The following PLGRKT variants were observed in gnomAD, a reference collection of about 807,000 sequenced individuals.
PLGRKT encodes the protein plasminogen receptor (KT).
A neutral mutation model predicts 18.5 loss-of-function variants in PLGRKT; 22 were observed. The ratio of observed to expected loss-of-function variants is 1.19; its 90% CI spans 0.85 to 1.70. PLGRKT has a LOEUF of 1.70. PLGRKT is among the 40% of genes most tolerant of loss of function. The pLI is 0.00. For synonymous variants in PLGRKT, 72 were observed against 52.8 expected (o/e 1.36, Z -1.58); for missense variants, 235 against 174.4 (o/e 1.35, Z -1.96).
At chr9:5,404,501 G>T (rs909829981) in intron 3 of PLGRKT, among the ~76,000 whole-genome samples, 2 of 152,030 alleles carry the variant, frequency 1.3e-5, no homozygotes, top group Non-Finnish European at 2.9e-5. Context: ...GTGATTCATC[G>T]CATAAACAGA....
chr9:5,370,307 T>C (rs1817489186), intron 3 of PLGRKT, among the ~76,000 whole-genome samples: 1 of 152,184 alleles, frequency 6.6e-6, no homozygotes, highest in Non-Finnish European at 1.5e-5. Flanking sequence ...GGCAATTATG[T>C]AAAGGTCCAC....
At chr9:5,397,188 C>A (rs1454604850) in intron 3 of PLGRKT, among the ~76,000 whole-genome samples, 1 of 151,936 alleles carries the variant, frequency 6.6e-6, no homozygotes, top group Non-Finnish European at 1.5e-5. Context: ...CTCGTGCCTA[C>A]TAGTGGCAAC....
chr9:5,381,196 G>A (rs1051327570), intron 3 of PLGRKT, among the ~76,000 whole-genome samples: 1 of 152,208 alleles, frequency 6.6e-6, no homozygotes, highest in Non-Finnish European at 1.5e-5. Context: ...AATGTTAATA[G>A]CCAAGACAAT....
intron 3 of PLGRKT, among the ~76,000 whole-genome samples, chr9:5,376,548 T>C (rs140146186): frequency 1.6e-4 from 24 of 152,314 alleles, no homozygotes; most frequent in African/African-American, 5.8e-4. Context: ...AACATTAAAA[T>C]TTAAAATGCA....
chr9:5,393,934 C>T (rs1817995680), intron 3 of PLGRKT, among the ~76,000 whole-genome samples: 1 of 151,726 alleles, frequency 6.6e-6, no homozygotes, highest in African/African-American at 2.4e-5. Context: ...AAAACTATAC[C>T]CAGATTTTTG....
chr9:5,382,249 G>A (rs534263811), intron 3 of PLGRKT, among the ~76,000 whole-genome samples: 1 of 152,324 alleles, frequency 6.6e-6, no homozygotes, highest in Admixed American at 6.5e-5. Flanking sequence ...AGCAGAGGCA[G>A]AGAAGTATTA....
At chr9:5,364,713 G>A (rs1486038069) in intron 3 of PLGRKT, among the ~76,000 whole-genome samples, 1 of 152,176 alleles carries the variant, frequency 6.6e-6, no homozygotes, top group Non-Finnish European at 1.5e-5. Context: ...GAGTAAAACT[G>A]TCTCTCACGA....
chr9:5,397,121 C>T (rs1223927551), intron 3 of PLGRKT, among the ~76,000 whole-genome samples: 1 of 151,836 alleles, frequency 6.6e-6, no homozygotes, highest in Admixed American at 6.6e-5. Context: ...AGTATGAATG[C>T]GAAGGCTACA....
chr9:5,386,345 G>A (rs1475145169), intron 3 of PLGRKT, among the ~76,000 whole-genome samples: 1 of 151,876 alleles, frequency 6.6e-6, no homozygotes, highest in African/African-American at 2.4e-5. Flanking sequence ...TCAAAGTAGT[G>A]GTTCTCAACC....
chr9:5,381,456 G>A (rs1276137921), intron 3 of PLGRKT, among the ~76,000 whole-genome samples: 1 of 152,248 alleles, frequency 6.6e-6, no homozygotes, highest in African/African-American at 2.4e-5. Context: ...TCCACGTGGT[G>A]TTGAGCCTGT....
intron 3 of PLGRKT, among the ~76,000 whole-genome samples, chr9:5,428,246 C>T (rs1274426459): frequency 6.6e-6 from 1 of 152,248 alleles, no homozygotes; most frequent in Non-Finnish European, 1.5e-5. Context: ...GCCTTGCTTA[C>T]TGGCACTGAG....
intron 3 of PLGRKT, among the ~76,000 whole-genome samples, chr9:5,405,559 G>A (rs1024716100): frequency 6.6e-6 from 1 of 152,206 alleles, no homozygotes; most frequent in Non-Finnish European, 1.5e-5. Flanking sequence ...TTAGCCATAT[G>A]TAGAAAATTG....
Position 5,358,292 on chromosome 9 carries a change from C to A in PLGRKT, c.391G>T (p.Glu131Ter), listed in dbSNP as rs751439320. The change falls in exon 6 of 6, where the codon GAA becomes TAA. Residue 131 changes from glutamate to a stop codon, truncating the protein, a stop_gained. Coordinates refer to ENST00000223864, the MANE Select transcript of PLGRKT (RefSeq NM_018465.4). LOFTEE classifies it high-confidence loss of function. ...LQLPRGMITF[E>*]SIEKARKEQS... ...TCCTTTCTGGCTTTTTCAATGCTTT[C>A]AAAAGTGATCATTCCTCTTGGCAGC... 43 of 1,608,058 alleles carry A rather than the reference C, an allele frequency of 2.7e-5. No individual in the cohort carries two copies. The highest frequency in any genetic ancestry group is 3.4e-5 in the Non-Finnish European group (40 of 1,174,894).
chr9:5,431,328 G>C (rs1334700898), intron 3 of PLGRKT, among the ~76,000 whole-genome samples: 1 of 152,128 alleles, frequency 6.6e-6, no homozygotes, highest in Non-Finnish European at 1.5e-5. Flanking sequence ...GAGGCCAGGA[G>C]TTCGAGACCA....
chr9:5,388,433 T>C (rs1271045311), intron 3 of PLGRKT, among the ~76,000 whole-genome samples: 1 of 151,992 alleles, frequency 6.6e-6, no homozygotes, highest in Non-Finnish European at 1.5e-5. Context: ...TCAATAAATA[T>C]CATAGGATAT....
At chr9:5,408,242 G>A (rs10758685) in intron 3 of PLGRKT, among the ~76,000 whole-genome samples, 99,492 of 152,142 alleles carry the variant, frequency 0.65, 34,664 homozygotes, top group African/African-American at 0.91. Context: ...GATCTTCCTA[G>A]AGACTTGCTG....
chr9:5,406,337 T>C (rs1009122632), intron 3 of PLGRKT, among the ~76,000 whole-genome samples: 2 of 152,108 alleles, frequency 1.3e-5, no homozygotes, highest in Non-Finnish European at 2.9e-5. Flanking sequence ...CTATTCACAA[T>C]AGCAAAGACA....
intron 2 of PLGRKT, among the ~76,000 whole-genome samples, chr9:5,435,015 T>C (rs964648753): frequency 2.6e-5 from 4 of 152,142 alleles, no homozygotes; most frequent in Non-Finnish European, 5.9e-5. Context: ...TCTATAACCT[T>C]ACCCCCAACC....
intron 3 of PLGRKT, among the ~76,000 whole-genome samples, chr9:5,416,402 GTGTC>G (rs1818459214): frequency 6.6e-6 from 1 of 152,152 alleles, no homozygotes; most frequent in Non-Finnish European, 1.5e-5. Flanking sequence ...GGGTGACTAT[GTGTC>G]TGTCTGTGTA....
Sources: allele counts gnomAD v4.1 joint callset (sites outside exome capture counted in the v4.1 genomes callset), GRCh38; gene constraint gnomAD v4.1.1; transcripts MANE v1.5; gene names NCBI Gene and HGNC (gene_info 2026-07-23, HGNC 2026-07-21).